LRP1B: variants seen among roughly 807,000 people sequenced by gnomAD.
LRP1B encodes the protein low-density lipoprotein receptor-related protein 1B.
A neutral mutation model predicts 556.6 loss-of-function variants in LRP1B; 217 were observed. That is an observed-to-expected ratio of 0.39 (90% CI 0.35 to 0.44). The LOEUF (loss-of-function observed/expected upper bound fraction) is 0.44, where lower values mean the gene tolerates loss of function less well. Among genes scored for constraint, LRP1B ranks in the 20% least tolerant of loss-of-function variants. LRP1B has a pLI of 1.00. For missense variants in LRP1B, 5,053 were observed against 5,620.8 expected (o/e 0.90, Z 3.23); for synonymous variants, 2,047 against 1,865.8 (o/e 1.10, Z -2.50).
intron 3 of LRP1B, among the ~76,000 whole-genome samples, chr2:141,432,601 T>TTAGTG (rs74364907): frequency 0.48 from 72,332 of 151,148 alleles, 17,475 homozygotes; most frequent in East Asian, 0.69. Flanking sequence ...TTCAACCTCT[T>TTAGTG]TAGTCTATTC....
At chr2:141,779,209 T>C (rs1213996482) in intron 2 of LRP1B, among the ~76,000 whole-genome samples, 1 of 152,096 alleles carries the variant, frequency 6.6e-6, no homozygotes, top group Non-Finnish European at 1.5e-5. Context: ...TGTCAAATGA[T>C]TGGATTAGTT....
intron 75 of LRP1B, among the ~76,000 whole-genome samples, chr2:140,354,263 G>T (rs538660854): frequency 1.3e-5 from 2 of 151,990 alleles, no homozygotes; most frequent in African/African-American, 4.8e-5. Flanking sequence ...TATCTTTTGC[G>T]TAGCACACAA....
intron 79 of LRP1B, 23 bp downstream of exon 79, chr2:140,334,430 T>G (rs768118643): frequency 7.2e-7 from 1 of 1,383,182 alleles, no homozygotes; most frequent in South Asian, 1.2e-5. Context: ...GCTTCATATT[T>G]TAGCGTGTGT....
intron 1 of LRP1B, among the ~76,000 whole-genome samples, chr2:142,095,965 A>T (rs997755822): frequency 6.6e-6 from 1 of 151,740 alleles, no homozygotes; most frequent in Non-Finnish European, 1.5e-5. Context: ...GAATAGTCCT[A>T]TATGTCAACA....
chr2:141,984,140 T>C (rs1047780836), intron 1 of LRP1B, among the ~76,000 whole-genome samples: 2 of 150,910 alleles, frequency 1.3e-5, no homozygotes, highest in African/African-American at 4.9e-5. Flanking sequence ...AAGAGAGGCT[T>C]GCTGAAAGAG....
chr2:140,319,472 G>A (rs988444232), intron 82 of LRP1B, among the ~76,000 whole-genome samples: 3 of 152,062 alleles, frequency 2.0e-5, no homozygotes, highest in African/African-American at 4.8e-5. Flanking sequence ...AAAAGTTGTC[G>A]ACAGTTAAAG....
At chr2:140,959,060 T>TC (rs1695958651) in intron 18 of LRP1B, among the ~76,000 whole-genome samples, 1 of 151,020 alleles carries the variant, frequency 6.6e-6, no homozygotes, top group Admixed American at 6.6e-5. Context: ...TGCTCAGATT[T>TC]TTTTTTTTTT....
At chr2:140,697,684 G>A (rs1397900438) in intron 41 of LRP1B, among the ~76,000 whole-genome samples, 5 of 151,990 alleles carry the variant, frequency 3.3e-5, no homozygotes, top group Admixed American at 1.3e-4. Context: ...CAAGCCAGGC[G>A]CAAAGGACAA....
At chr2:140,281,819 T>G (rs1320190863) in intron 84 of LRP1B, among the ~76,000 whole-genome samples, 1 of 151,790 alleles carries the variant, frequency 6.6e-6, no homozygotes, top group Non-Finnish European at 1.5e-5. Context: ...ACCTTCACTG[T>G]TATATTTAAT....
At chr2:141,930,556 G>C (rs1181030280) in intron 1 of LRP1B, among the ~76,000 whole-genome samples, 1 of 152,010 alleles carries the variant, frequency 6.6e-6, no homozygotes, top group Non-Finnish European at 1.5e-5. Context: ...TCAAATATCA[G>C]TAATTTGAGA....
intron 2 of LRP1B, among the ~76,000 whole-genome samples, chr2:141,528,581 C>T (rs1322877839): frequency 6.6e-6 from 1 of 152,032 alleles, no homozygotes; most frequent in Non-Finnish European, 1.5e-5. Flanking sequence ...AATATATACA[C>T]ATATATAGTA....
rs190559117 is a variant in LRP1B at position 140,504,550 on chromosome 2, A to T, written c.8522-1447T>A. Among the ~76,000 whole-genome samples, 527 of 152,278 alleles carry T rather than the reference A, an allele frequency of 3.5e-3. 3 individuals are homozygous for T. Among genetic ancestry groups the T allele is most frequent in the African/African-American group, 0.01 (432 of 41,558 alleles). On this transcript the variant is annotated intron_variant, in intron 53 of 90. Transcript: ENST00000389484. ...TTCTGATCTAGAATTAAATTATCACACAGTCACTATATAGCTTTATGTGAT... is the reference window on the plus strand; with the variant it reads ...TTCTGATCTAGAATTAAATTATCACTCAGTCACTATATAGCTTTATGTGAT...
chr2:142,022,856 T>TA (rs1703382978), intron 1 of LRP1B, among the ~76,000 whole-genome samples: 1 of 152,084 alleles, frequency 6.6e-6, no homozygotes, highest in Non-Finnish European at 1.5e-5. Flanking sequence ...AATTTTTTTT[T>TA]AGTAGAGTCG....
chr2:141,240,991 C>T (rs9283437), intron 5 of LRP1B, among the ~76,000 whole-genome samples: 10 of 151,896 alleles, frequency 6.6e-5, no homozygotes, highest in African/African-American at 1.7e-4. Flanking sequence ...ATGTCAAAAA[C>T]GGTGCTAGAC....
Position 141,904,111 on chromosome 2 carries a change from T to C in LRP1B, c.83-93710A>G, listed in dbSNP as rs563168995. On this transcript the variant is annotated intron_variant, in intron 1 of 90. Transcript: ENST00000389484. ...TATGCCAAGTGAAATAAAACACAAT[T>C]ACAAGATTTTAAGCAGAGAAACAAA... Among the ~76,000 whole-genome samples the C allele has an allele frequency of 3.9e-5, 6 of 151,990 alleles. No individual in the cohort carries two copies. In the South Asian group the frequency reaches 8.3e-4, roughly 21 times the overall value.
intron 86 of LRP1B, among the ~76,000 whole-genome samples, chr2:140,254,671 A>G (rs1681600028): frequency 6.6e-6 from 1 of 152,108 alleles, no homozygotes; most frequent in Non-Finnish European, 1.5e-5. Flanking sequence ...CTCCTGCCTC[A>G]GCTCCCTGAG....
chr2:140,707,766 G>A (rs1686890669), intron 37 of LRP1B, among the ~76,000 whole-genome samples: 1 of 151,998 alleles, frequency 6.6e-6, no homozygotes, highest in East Asian at 1.9e-4. Flanking sequence ...GTCTGAGAAA[G>A]TATTACAGGC....
intron 2 of LRP1B, among the ~76,000 whole-genome samples, chr2:141,625,034 C>T (rs191574285): frequency 3.9e-5 from 6 of 152,172 alleles, no homozygotes; most frequent in Non-Finnish European, 8.8e-5. Context: ...TCCCAAAGTG[C>T]TGGGATTACA....
At chr2:140,246,769 A>G (rs1464944363) in intron 87 of LRP1B, among the ~76,000 whole-genome samples, 1 of 151,470 alleles carries the variant, frequency 6.6e-6, no homozygotes, top group Admixed American at 6.6e-5. Context: ...GAGCATTTTC[A>G]CATCCATTGT....
Sources: allele counts gnomAD v4.1 joint callset (sites outside exome capture counted in the v4.1 genomes callset), GRCh38; gene constraint gnomAD v4.1.1; transcripts MANE v1.5; gene names NCBI Gene and HGNC (gene_info 2026-07-23, HGNC 2026-07-21).